Variants in HTT observed in about 807,000 individuals in gnomAD.
HTT encodes the protein huntingtin.
A neutral mutation model predicts 362.3 loss-of-function variants in HTT; 104 were observed. The observed-to-expected ratio is 0.29, with a 90% confidence interval of 0.24 to 0.34. HTT has a LOEUF of 0.34. Among genes scored for constraint, HTT ranks in the 10% least tolerant of loss-of-function variants. The pLI is 1.00. For synonymous variants in HTT, 1,577 were observed against 1,548.7 expected, an observed-to-expected ratio of 1.02 and a Z score of -0.43; for missense variants, 3,301 against 3,928.6, an observed-to-expected ratio of 0.84 and a Z score of 4.27.
chr4:3,113,722 GAGAAAT>G (rs1463907613), intron 6 of HTT, among the ~76,000 whole-genome samples: 1 of 152,166 alleles, frequency 6.6e-6, no homozygotes, highest in Non-Finnish European at 1.5e-5. Flanking sequence ...TTTTCTCAGG[GAGAAAT>G]TGGAGGCAGT....
At chr4:3,153,049 A>T (rs1174970240) in intron 26 of HTT, among the ~76,000 whole-genome samples, 1 of 152,128 alleles carries the variant, frequency 6.6e-6, no homozygotes, top group Non-Finnish European at 1.5e-5. Flanking sequence ...TGACTGTCTT[A>T]GTCAGCATGG....
At chr4:3,211,509 C>T (rs1720159445) in intron 47 of HTT, among the ~76,000 whole-genome samples, 1 of 152,172 alleles carries the variant, frequency 6.6e-6, no homozygotes, top group Admixed American at 6.5e-5. Context: ...TTTTGGCATT[C>T]ATATGGCTAC....
chr4:3,136,273 G>C lies in HTT; in HGVS notation c.2745G>C (p.Leu915Phe). 5.6e-6 allele frequency: 9 copies of C among 1,612,572 alleles called. No homozygotes were observed. The highest frequency in any genetic ancestry group is 7.6e-6 in the Non-Finnish European group (9 of 1,178,792). ...ERVLNNVVIH[L>F]LGDEDPRVRH... ...TGCTCAATAATGTTGTCATCCATTT[G>C]CTTGGAGATGAAGACCCCAGGGTGC... Residue 915 changes from leucine to phenylalanine, a missense_variant, in exon 21 of 67, where the codon TTG (leucine) becomes TTC (phenylalanine). By Grantham distance (22) the Leu-to-Phe change is conservative (BLOSUM62 0). This residue lies in a region of HTT where 2,316 missense variants were observed against 2,658.5 expected (regional missense o/e 0.87). Coordinates refer to ENST00000355072, the MANE Select transcript of HTT (RefSeq NM_001388492.1).
chr4:3,150,918 A>T (rs1716850207), intron 26 of HTT, among the ~76,000 whole-genome samples: 1 of 152,216 alleles, frequency 6.6e-6, no homozygotes, highest in Non-Finnish European at 1.5e-5. Flanking sequence ...GGGCGCCCAT[A>T]GTCCCAGCTA....
intron 26 of HTT, 56 bp downstream of exon 26, chr4:3,148,263 G>T (rs749514285): frequency 2.6e-5 from 33 of 1,285,520 alleles, no homozygotes; most frequent in Non-Finnish European, 3.5e-5. Flanking sequence ...TGGGTTTCCA[G>T]ACTACCTTTG....
intron 33 of HTT, 62 bp downstream of exon 33, chr4:3,175,169 A>C: frequency 7.0e-7 from 1 of 1,420,114 alleles, no homozygotes. Context: ...ATTACCCTAA[A>C]AGACACTGAA....
At chr4:3,086,918 C>A in intron 1 of HTT, 21 bp from the exon 2 acceptor site, 1 of 1,420,590 alleles carries the variant, frequency 7.0e-7, no homozygotes, top group Non-Finnish European at 9.9e-7. Flanking sequence ...ATATTAATTT[C>A]CTTCTTTTTT....
chr4:3,164,541 C>G (rs1180399756), intron 29 of HTT, among the ~76,000 whole-genome samples: 3 of 152,032 alleles, frequency 2.0e-5, no homozygotes, highest in Non-Finnish European at 4.4e-5. Context: ...AAGTCTCCCA[C>G]TATTACCGGG....
intron 29 of HTT, among the ~76,000 whole-genome samples, chr4:3,165,459 C>A (rs1255883897): frequency 1.3e-5 from 2 of 152,044 alleles, no homozygotes; most frequent in Non-Finnish European, 2.9e-5. Flanking sequence ...TGTTGGTCTG[C>A]CTTGCTAGGT....
At chr4:3,198,214 G>GTTT (rs1491010672) in intron 40 of HTT, among the ~76,000 whole-genome samples, 14 of 89,378 alleles carry the variant, frequency 1.6e-4, no homozygotes, top group South Asian at 7.7e-4. Context: ...GGGATGTGTT[G>GTTT]ATTTTTTTTT....
chr4:3,122,185 T>C (rs1715326858), intron 9 of HTT, among the ~76,000 whole-genome samples: 1 of 152,210 alleles, frequency 6.6e-6, no homozygotes, highest in African/African-American at 2.4e-5. Context: ...GGCTGGGCCC[T>C]ACCCCACCAT....
rs1294441814 is a variant in HTT, at chr4:3,241,771, C to CCTT, written c.*1712_*1713insCTT. Reference sequence around the variant, plus strand: ...GGGGAGCTGAAAGGGAGCCCCTCCTCTGAGCAGCCTCTGCCAGGCCTGTAT... The same window carrying CCTT: ...GGGGAGCTGAAAGGGAGCCCCTCCTCCTTTGAGCAGCCTCTGCCAGGCCTGTAT... On this transcript the variant is annotated 3_prime_UTR_variant, in exon 67 of 67. Coordinates refer to ENST00000355072, the MANE Select transcript of HTT (RefSeq NM_001388492.1). 7 of 152,244 alleles carry CCTT rather than the reference C, an allele frequency of 4.6e-5. No homozygotes were observed. Among genetic ancestry groups the CCTT allele is most frequent in the African/African-American group, 1.7e-4 (7 of 41,456 alleles). 9.4% of individuals were successfully genotyped at this position (152,244 alleles called of 1,614,324 possible).
rs1578594946 is a variant in HTT at position 3,213,981 on chromosome 4, T to C, written c.6798T>C (p.His2266=). ...TLEALSWHLI[H]EQIPLSLDLQ... ...AGGCCCTGTCCTGGCATTTGATCCA[T>C]GAGCAGATCCCGCTGAGTCTGGATC... Residue 2266 remains histidine (H), a synonymous_variant, in exon 50 of 67, where the codon CAT becomes CAC. Coordinates refer to ENST00000355072, the MANE Select transcript of HTT (RefSeq NM_001388492.1). 6.3e-7 allele frequency: 1 copy of C among 1,587,206 alleles called. No individual in the cohort carries two copies. Among genetic ancestry groups the C allele is most frequent in the South Asian group, 1.1e-5 (1 of 88,150 alleles).
At chr4:3,163,017 A>G (rs1023557274) in intron 29 of HTT, among the ~76,000 whole-genome samples, 1 of 152,140 alleles carries the variant, frequency 6.6e-6, no homozygotes, top group Non-Finnish European at 1.5e-5. Flanking sequence ...TTTCGAAGGG[A>G]ATGCTTCCAG....
At chr4:3,225,615 C>A (rs769069921) in intron 56 of HTT, 46 bp from the exon 57 acceptor site, 9 of 1,568,658 alleles carry the variant, frequency 5.7e-6, no homozygotes, top group Non-Finnish European at 7.9e-6. Context: ...GGCCTGCGGC[C>A]CTGCCCCCCT....
rs575976301 is a variant in HTT at position 3,212,645 on chromosome 4, G to C, written c.6710G>C (p.Ser2237Thr). ...CTGGTGGTGGTCTCCAAACTGCCCA[G>C]TCATTTGCACCTTCCTCCTGAGAAA... Reference protein sequence around the residue: ...QYLVVVSKLPSHLHLPPEKEK... With the variant: ...QYLVVVSKLPTHLHLPPEKEK... Residue 2237 changes from serine to threonine, a missense_variant, in exon 49 of 67, where the codon AGT becomes ACT. Physicochemically the swap from Ser to Thr is moderately conservative, Grantham distance 58. This residue lies in a region of HTT where 220 missense variants were observed against 218.5 expected (regional missense o/e 1.01). Transcript: ENST00000355072. 1 of 1,614,112 alleles carries C rather than the reference G, an allele frequency of 6.2e-7. No individual in the cohort carries two copies. The highest frequency in any genetic ancestry group is 1.3e-5 in the African/African-American group (1 of 74,938).
At chr4:3,076,559 G>C (rs1432008127) in intron 1 of HTT, among the ~76,000 whole-genome samples, 1 of 152,150 alleles carries the variant, frequency 6.6e-6, no homozygotes, top group Non-Finnish European at 1.5e-5. Context: ...AAACAATTTG[G>C]CTTATCTCTT....
At chr4:3,082,081 A>AT (rs1295250439) in intron 1 of HTT, among the ~76,000 whole-genome samples, 2 of 151,490 alleles carry the variant, frequency 1.3e-5, no homozygotes, top group African/African-American at 4.9e-5. Context: ...TAAATGTGTC[A>AT]TTTTTTGTTT....
chr4:3,231,652 A>G (rs1472072899), intron 60 of HTT, among the ~76,000 whole-genome samples: 5 of 119,780 alleles, frequency 4.2e-5, no homozygotes, highest in Non-Finnish European at 7.1e-5. Context: ...GCAGCCGTCC[A>G]GGGAGTGGAA....
Sources: allele counts gnomAD v4.1 joint callset (sites outside exome capture counted in the v4.1 genomes callset), GRCh38; gene constraint gnomAD v4.1.1; regional missense constraint gnomAD v4.1.1; transcripts MANE v1.5; gene names NCBI Gene and HGNC (gene_info 2026-07-23, HGNC 2026-07-21).